HSH2D: variants seen among roughly 807,000 people sequenced by gnomAD.
HSH2D encodes hematopoietic SH2 domain containing, also known as hematopoietic SH2 domain-containing protein.
A neutral mutation model predicts 21.5 loss-of-function variants in HSH2D; 16 were observed. The observed-to-expected ratio is 0.74, with a 90% CI of 0.50 to 1.13. The LOEUF (loss-of-function observed/expected upper bound fraction) is 1.13. HSH2D is among the 50% of genes most tolerant of loss of function. The pLI is 0.00. For missense variants in HSH2D, 418 were observed against 441.4 expected, an observed-to-expected ratio of 0.95 and a Z score of 0.47; for synonymous variants, 172 against 184.7, an observed-to-expected ratio of 0.93 and a Z score of 0.56.
At chr19:16,147,624 A>G (rs2091089660) in intron 1 of HSH2D, among the ~76,000 whole-genome samples, 1 of 151,050 alleles carries the variant, frequency 6.6e-6, no homozygotes, top group African/African-American at 2.5e-5. Flanking sequence ...ATCACAAGCC[A>G]GTGGTTTTTT....
intron 4 of HSH2D, 95 bp from the exon 5 acceptor site, chr19:16,154,304 A>G (rs550697903): frequency 1.6e-5 from 12 of 747,066 alleles, no homozygotes; most frequent in South Asian, 7.3e-5. Context: ...AGAAACTGCT[A>G]TTCAAGGGAT....
Position 16,158,127 on chromosome 19 carries a change from A to C in HSH2D, c.*333A>C. 8.6e-6 allele frequency: 2 copies of C among 232,782 alleles called. No homozygotes were observed. Among genetic ancestry groups the C allele is most frequent in the South Asian group, 1.2e-4 (1 of 8,636 alleles). The allele number at this position is 232,782 out of a possible 1,614,324, so 14.4% of individuals were successfully genotyped here. A position where few individuals can be genotyped will look rare whatever the true frequency, so the allele number is the denominator to read the frequency against. Reference sequence around the variant, plus strand: ...TTTTGAAGAAGAGACTGAGGTTCAGAGAGGATAAGAGGCGTGACCAAGGCC... The same window carrying C: ...TTTTGAAGAAGAGACTGAGGTTCAGCGAGGATAAGAGGCGTGACCAAGGCC... On this transcript the variant is annotated 3_prime_UTR_variant, in exon 6 of 6. Coordinates refer to ENST00000613986, the MANE Select transcript of HSH2D (RefSeq NM_001382417.1).
intron 1 of HSH2D, among the ~76,000 whole-genome samples, chr19:16,144,062 G>A: frequency 6.6e-6 from 1 of 152,114 alleles, no homozygotes; most frequent in East Asian, 1.9e-4. Context: ...TAGCGGGGAA[G>A]TAGAGGAGGC....
At position 16,157,279 on chromosome 19, in the gene HSH2D, A is replaced by G. The variant is rs773332491; in HGVS notation, c.544A>G (p.Thr182Ala). 45 of 1,608,426 alleles carry G rather than the reference A, an allele frequency of 2.8e-5. No individual in the cohort carries two copies. In the South Asian group the frequency reaches 4.6e-4, roughly 17 times the overall value. The stretch of plus-strand genomic sequence containing the variant: ...GCCGTCAGCAGAGATGAACAGAATA[A>G]CCACCAAGGAAGCCACTTCCTCCTG... ...RKPSAEMNRI[T>A]TKEATSSCPP... The change falls in exon 6 of 6, where the codon ACC becomes GCC. Residue 182 changes from threonine to alanine, a missense_variant. Coordinates refer to ENST00000613986, the MANE Select transcript of HSH2D (RefSeq NM_001382417.1). The surrounding 1 kb of genome is among the most constrained non-coding windows in gnomAD (Gnocchi z 4.4).
chr19:16,152,823 T>G (rs1217965231), intron 3 of HSH2D, 182 bp downstream of exon 3: 2 of 767,678 alleles, frequency 2.6e-6, no homozygotes, highest in South Asian at 2.9e-5. Context: ...GCATGTTTTA[T>G]CTGAGGCCAG....
At chr19:16,138,333 TTTG>T (rs2090977714) in intron 1 of HSH2D, among the ~76,000 whole-genome samples, 1 of 152,226 alleles carries the variant, frequency 6.6e-6, no homozygotes, top group African/African-American at 2.4e-5. Flanking sequence ...GGAACCACGT[TTTG>T]TTTACCCATT....
At chr19:16,139,497 A>G (rs190708612), upstream of HSH2D, among the ~76,000 whole-genome samples, 255 of 152,258 alleles carry the variant, frequency 1.7e-3, no homozygotes, top group African/African-American at 5.7e-3. Flanking sequence ...CGGGAGGATC[A>G]CTTGAGCCCG....
At position 16,145,957 on chromosome 19, in the gene HSH2D, T is replaced by C. The variant is rs1354477013; in HGVS notation, c.-28+2183T>C. ...CAGGCGTGGTGGCACATGCCTGTAA[T>C]CCCAGCTATTCAAGAGGCTAAGGCA... is the stretch of plus-strand genomic sequence containing the variant. On this transcript the variant is annotated intron_variant, in intron 1 of 5. Transcript: ENST00000613986. Among the ~76,000 whole-genome samples the C allele has an allele frequency of 2.0e-5, 3 of 151,328 alleles. No homozygotes were observed. In the Admixed American group the frequency reaches 2.0e-4, roughly 10 times the overall value.
intron 2 of HSH2D, among the ~76,000 whole-genome samples, chr19:16,152,192 C>A (rs1315025369): frequency 6.7e-6 from 1 of 149,842 alleles, no homozygotes; most frequent in African/African-American, 2.5e-5. Flanking sequence ...CCGAGGTGGG[C>A]GGATCACGAG....
intron 1 of HSH2D, among the ~76,000 whole-genome samples, chr19:16,138,222 G>A (rs571572165): frequency 6.6e-6 from 1 of 152,196 alleles, no homozygotes; most frequent in South Asian, 2.1e-4. Context: ...TTTGTGTCTG[G>A]CTTCTCTCAG....
At chr19:16,141,580 A>G (rs1050453685), upstream of HSH2D, among the ~76,000 whole-genome samples, 51 of 152,290 alleles carry the variant, frequency 3.3e-4, no homozygotes, top group African/African-American at 1.2e-3. Context: ...TAAATATACA[A>G]TAAGGAATCC....
intron 1 of HSH2D, 84 bp downstream of exon 1, chr19:16,143,858 G>A: frequency 9.9e-6 from 3 of 301,624 alleles, no homozygotes; most frequent in Non-Finnish European, 1.4e-5. Flanking sequence ...GGCTAGTGGG[G>A]CCTGGGGTGG....
Position 16,143,760 on chromosome 19 carries a change from C to T in HSH2D, c.-42C>T, listed in dbSNP as rs114524775. 979 of 453,094 alleles carry T rather than the reference C, an allele frequency of 2.2e-3. 8 individuals carry two copies. The highest frequency in any genetic ancestry group is 0.018 in the African/African-American group (890 of 49,984). The allele number at this position is 453,094 out of a possible 1,614,324, so 28.1% of individuals were successfully genotyped here. ...CAGCTACAGCGAGGGCCTCGGCCAT[C>T]CAAGGGTCTCCCAGGTATGTGACCC... On this transcript the variant is annotated 5_prime_UTR_variant, in exon 1 of 6. Coordinates refer to ENST00000613986, the MANE Select transcript of HSH2D (RefSeq NM_001382417.1).
At chr19:16,150,886 A>G (rs757722040) in intron 2 of HSH2D, among the ~76,000 whole-genome samples, 1 of 152,124 alleles carries the variant, frequency 6.6e-6, no homozygotes, top group Non-Finnish European at 1.5e-5. Context: ...ATGAAACAGC[A>G]TATGTTCCTT....
At position 16,157,501 on chromosome 19, in the gene HSH2D, G is replaced by C; in HGVS notation, c.766G>C (p.Gly256Arg). The change falls in exon 6 of 6, where the codon GGG (glycine) becomes CGG (arginine). Residue 256 changes from glycine (G) to arginine (R), a missense_variant. Coordinates refer to ENST00000613986, the MANE Select transcript of HSH2D (RefSeq NM_001382417.1). This position sits in a 1 kb window ranked among gnomAD's most constrained non-coding sequence, Gnocchi z 4.4. ...GTGKGSQDHSGDPTSGDRGYT... is the reference protein window; with the variant it reads ...GTGKGSQDHSRDPTSGDRGYT... ...CGGAAAAGGCAGCCAAGATCACTCA[G>C]GGGATCCCACCTCGGGGGACAGAGG... is the stretch of plus-strand genomic sequence containing the variant. 2 of 1,613,908 alleles carry C rather than the reference G, an allele frequency of 1.2e-6. No individual in the cohort carries two copies. Among genetic ancestry groups the C allele is most frequent in the Non-Finnish European group, 8.5e-7 (1 of 1,179,862 alleles).
chr19:16,153,071 G>C lies in HSH2D; in HGVS notation c.244G>C (p.Val82Leu). The C allele has an allele frequency of 6.2e-7, 1 of 1,611,412 alleles. No homozygotes were observed. The highest frequency in any genetic ancestry group is 1.1e-5 in the South Asian group (1 of 90,454). The change falls in exon 4 of 6, where the codon GTG becomes CTG. Residue 82 changes from valine to leucine, a missense_variant. By Grantham distance (32) the Val-to-Leu change is conservative. Coordinates refer to ENST00000613986, the MANE Select transcript of HSH2D (RefSeq NM_001382417.1). Reference protein sequence around the residue: ...KAQSSCCHFMVKLLDDGTFMI... With the variant: ...KAQSSCCHFMLKLLDDGTFMI... ...CCAAAGCAGCTGCTGCCATTTCATGGTGAAGCTCTTGGATGATGGGACTTT... is the reference window on the plus strand; with the variant it reads ...CCAAAGCAGCTGCTGCCATTTCATGCTGAAGCTCTTGGATGATGGGACTTT...
chr19:16,135,872 T>A (rs2090960436), intron 1 of HSH2D, among the ~76,000 whole-genome samples: 1 of 152,204 alleles, frequency 6.6e-6, no homozygotes, highest in Non-Finnish European at 1.5e-5. Flanking sequence ...AGTGTGCTTG[T>A]GTGTGGCCTG....
intron 2 of HSH2D, among the ~76,000 whole-genome samples, chr19:16,149,562 A>G (rs571849898): frequency 6.6e-6 from 1 of 150,600 alleles, no homozygotes; most frequent in East Asian, 2.0e-4. Flanking sequence ...GATACAACCA[A>G]TGTGCCCTTT....
At chr19:16,148,613 G>A (rs1290035777) in intron 1 of HSH2D, 111 bp from the exon 2 acceptor site, 1 of 1,063,208 alleles carries the variant, frequency 9.4e-7, no homozygotes, top group African/African-American at 1.6e-5. Context: ...CCATTGCTCT[G>A]TCCACCCTGG....
Sources: allele counts gnomAD v4.1 joint callset (sites outside exome capture counted in the v4.1 genomes callset), GRCh38; gene constraint gnomAD v4.1.1; non-coding constraint Gnocchi (gnomAD v3.1); transcripts MANE v1.5; gene names NCBI Gene and HGNC (gene_info 2026-07-23, HGNC 2026-07-21).